The following PRKCH variants were observed in gnomAD, a reference collection of about 807,000 sequenced individuals.
The protein encoded by PRKCH is protein kinase C eta, also known as protein kinase C eta type.
Under a neutral mutation model 82.5 loss-of-function variants are expected in PRKCH, and 28 were observed. The observed-to-expected ratio is 0.34, with a 90% CI of 0.25 to 0.47. PRKCH has a LOEUF of 0.47. Ranked by LOEUF, PRKCH falls within the 20% of genes least tolerant of loss-of-function variation. The pLI is 1.00. For synonymous variants in PRKCH, 322 were observed against 327.4 expected (o/e 0.98, Z 0.18); for missense variants, 705 against 881.8 (o/e 0.80, Z 2.54).
At chr14:61,251,940 A>G (rs1454457285) in intron 1 of PRKCH, among the ~76,000 whole-genome samples, 1 of 152,044 alleles carries the variant, frequency 6.6e-6, no homozygotes, top group Non-Finnish European at 1.5e-5. Context: ...ACTGACTTCA[A>G]GCAATTCTCC....
intron 1 of PRKCH, among the ~76,000 whole-genome samples, chr14:61,295,456 A>C (rs1203719007): frequency 1.3e-5 from 2 of 152,190 alleles, no homozygotes; most frequent in Non-Finnish European, 2.9e-5. Flanking sequence ...TTAGCTATTG[A>C]CACATCTAAC....
intron 10 of PRKCH, among the ~76,000 whole-genome samples, chr14:61,514,756 C>T (rs941531341): frequency 2.4e-4 from 37 of 152,156 alleles, no homozygotes; most frequent in African/African-American, 8.0e-4. Flanking sequence ...TGAAGGGAAC[C>T]CCGAAATATA....
At chr14:61,506,797 C>T (rs1478256472) in intron 10 of PRKCH, among the ~76,000 whole-genome samples, 1 of 152,174 alleles carries the variant, frequency 6.6e-6, no homozygotes, top group African/African-American at 2.4e-5. Context: ...GAAGCCTCTT[C>T]TCAGGCAATG....
chr14:61,469,504 G>C (rs1478780969), intron 9 of PRKCH, among the ~76,000 whole-genome samples: 4 of 152,170 alleles, frequency 2.6e-5, no homozygotes, highest in Non-Finnish European at 5.9e-5. Context: ...TCCCTAGGAA[G>C]CTGGGTTGAG....
intron 2 of PRKCH, among the ~76,000 whole-genome samples, chr14:61,392,178 T>G (rs1437483125): frequency 6.6e-6 from 1 of 152,044 alleles, no homozygotes; most frequent in Non-Finnish European, 1.5e-5. Flanking sequence ...ACTTTTGGGG[T>G]TTTTCCTATT....
chr14:61,293,828 A>G (rs1330126727), intron 1 of PRKCH, among the ~76,000 whole-genome samples: 1 of 152,194 alleles, frequency 6.6e-6, no homozygotes, highest in Non-Finnish European at 1.5e-5. Context: ...CTCCAAGGAA[A>G]ATCTTACCAG....
rs2044841580 is a variant in PRKCH at position 61,241,884 on chromosome 14, G to C, written c.-19+54216G>C. Among the ~76,000 whole-genome samples, 7 of 152,156 alleles carry C rather than the reference G, an allele frequency of 4.6e-5. No homozygotes were observed. The South Asian group carries it at 1.5e-3, about 32-fold the overall frequency. ...TTATGAGATGAAGCGTGTTTTATGG[G>C]ATAAACCGTGTTAGGCACTTGGTGC... On this transcript the variant is annotated intron_variant, in intron 1 of 3. Transcript: ENST00000555185.
intron 1 of PRKCH, among the ~76,000 whole-genome samples, chr14:61,265,611 TTC>T (rs2045093063): frequency 6.6e-6 from 1 of 152,232 alleles, no homozygotes; most frequent in African/African-American, 2.4e-5. Flanking sequence ...AAGCCAGTGC[TTC>T]TCTCTGTCAC....
intron 2 of PRKCH, among the ~76,000 whole-genome samples, chr14:61,435,523 A>G (rs1303239876): frequency 6.6e-6 from 1 of 152,178 alleles, no homozygotes; most frequent in Non-Finnish European, 1.5e-5. Flanking sequence ...CTGACAAGCT[A>G]CTTAGAAATA....
At chr14:61,413,317 C>T (rs4899042) in intron 2 of PRKCH, among the ~76,000 whole-genome samples, 1 of 151,190 alleles carries the variant, frequency 6.6e-6, no homozygotes, top group Non-Finnish European at 1.5e-5. Context: ...CCCTTGGCCT[C>T]TATTCTGAGT....
rs116934856 is a variant in PRKCH, at chr14:61,541,741, G to A, written c.1762-6002G>A. On this transcript the variant is annotated intron_variant, in intron 12 of 13. Transcript: ENST00000332981. The stretch of plus-strand genomic sequence containing the variant: ...TTTGAAAGAGGAAAAAAATACTTGT[G>A]GCCATTACTTATATTTTAGTGAGTA... Among the ~76,000 whole-genome samples, 399 of 152,244 alleles carry A rather than the reference G, an allele frequency of 2.6e-3. 5 individuals carry two copies. In the East Asian group the frequency reaches 0.037, roughly 14 times the overall value.
At chr14:61,526,057 G>A (rs1432849978) in intron 10 of PRKCH, among the ~76,000 whole-genome samples, 3 of 152,190 alleles carry the variant, frequency 2.0e-5, no homozygotes, top group Non-Finnish European at 2.9e-5. Context: ...GAGAGTGGTG[G>A]CCTCCTTCAC....
intron 1 of PRKCH, among the ~76,000 whole-genome samples, chr14:61,350,461 GT>G (rs2046057632): frequency 6.6e-6 from 1 of 152,162 alleles, no homozygotes; most frequent in South Asian, 2.1e-4. Context: ...TAAGGTCAGT[GT>G]TTACACCTTG....
At chr14:61,544,467 C>T (rs2043228605) in intron 12 of PRKCH, 1 of 152,198 alleles carries the variant, frequency 6.6e-6, no homozygotes, top group South Asian at 2.1e-4. Flanking sequence ...GGTATCAGTT[C>T]TAGTCTGTCT....
chr14:61,342,264 C>A (rs2045938342), intron 1 of PRKCH, among the ~76,000 whole-genome samples: 1 of 151,860 alleles, frequency 6.6e-6, no homozygotes, highest in South Asian at 2.1e-4. Context: ...GGAGCTAACT[C>A]ATTTATTAGC....
chr14:61,536,508 G>A (rs2043111559), intron 12 of PRKCH, among the ~76,000 whole-genome samples: 1 of 152,140 alleles, frequency 6.6e-6, no homozygotes, highest in African/African-American at 2.4e-5. Context: ...TCTTAGTGTG[G>A]GAGGGGCATC....
At chr14:61,465,738 C>A (rs1885224201) in intron 9 of PRKCH, among the ~76,000 whole-genome samples, 1 of 152,128 alleles carries the variant, frequency 6.6e-6, no homozygotes, top group Admixed American at 6.6e-5. Flanking sequence ...TTAGAAACAA[C>A]TTCAGCATTT....
At chr14:61,331,128 A>G (rs962359909) in intron 1 of PRKCH, among the ~76,000 whole-genome samples, 6 of 152,096 alleles carry the variant, frequency 3.9e-5, no homozygotes, top group African/African-American at 4.8e-5. Context: ...ATTAATATCT[A>G]TCTAATCTAT....
At chr14:61,217,430 A>G (rs1427190412) in intron 1 of PRKCH, among the ~76,000 whole-genome samples, 3 of 152,184 alleles carry the variant, frequency 2.0e-5, no homozygotes, top group African/African-American at 7.2e-5. Context: ...AATAAATAAG[A>G]TAAAAAATAA....
Sources: allele counts gnomAD v4.1 joint callset (sites outside exome capture counted in the v4.1 genomes callset), GRCh38; gene constraint gnomAD v4.1.1; transcripts MANE v1.5; gene names NCBI Gene and HGNC (gene_info 2026-07-23, HGNC 2026-07-21).